Variants in DLG2 observed in about 807,000 individuals in gnomAD.
DLG2 encodes disks large homolog 2.
A neutral mutation model predicts 132.5 loss-of-function variants in DLG2; 45 were observed. That is an observed-to-expected ratio of 0.34 (90% CI 0.27 to 0.44). DLG2 has a LOEUF of 0.44. Ranked by LOEUF, DLG2 falls within the 20% of genes least tolerant of loss-of-function variation. The pLI is 1.00. For missense variants in DLG2, 1,045 were observed against 1,196.9 expected (o/e 0.87, Z 1.87); for synonymous variants, 424 against 419.6 (o/e 1.01, Z -0.13).
At chr11:83,822,235 A>T (rs2153983037) in intron 17 of DLG2, among the ~76,000 whole-genome samples, 1 of 152,234 alleles carries the variant, frequency 6.6e-6, no homozygotes, top group South Asian at 2.1e-4. Context: ...TATGTCTCTC[A>T]TCCTTTGTCT....
At chr11:83,799,263 C>A (rs1341902034) in intron 17 of DLG2, among the ~76,000 whole-genome samples, 5 of 152,154 alleles carry the variant, frequency 3.3e-5, no homozygotes, top group African/African-American at 1.2e-4. Flanking sequence ...CAGAAGTAGA[C>A]CTTGAATGCC....
intron 4 of DLG2, among the ~76,000 whole-genome samples, chr11:85,220,114 T>C (rs192145468): frequency 6.6e-6 from 1 of 152,222 alleles, no homozygotes; most frequent in East Asian, 1.9e-4. Flanking sequence ...TCTCTGCCCT[T>C]GTGAAGCTTA....
At chr11:83,901,904 T>C (rs1447420550) in intron 15 of DLG2, among the ~76,000 whole-genome samples, 1 of 152,286 alleles carries the variant, frequency 6.6e-6, no homozygotes, top group Non-Finnish European at 1.5e-5. Flanking sequence ...TTGTGTGACA[T>C]CAAACACAAT....
intron 6 of DLG2, among the ~76,000 whole-genome samples, chr11:85,092,240 CA>C (rs2068906285): frequency 6.6e-6 from 1 of 151,968 alleles, no homozygotes; most frequent in Non-Finnish European, 1.5e-5. Context: ...GAGCAGATTA[CA>C]AAAGTGGGCT....
At chr11:85,357,707 TATATATATATATATATATATATATA>T (rs2083827737) in intron 3 of DLG2, among the ~76,000 whole-genome samples, 7 of 2,868 alleles carry the variant, frequency 2.4e-3, no homozygotes, top group African/African-American at 0.018. Context: ...TTCTGAATTA[TATATATATATATATATATATATATA>T]TATATATATA....
chr11:85,292,624 C>CCAAGGAAG (rs1465564887), intron 3 of DLG2, among the ~76,000 whole-genome samples: 1 of 14,460 alleles, frequency 6.9e-5, no homozygotes, highest in Non-Finnish European at 1.5e-4. Flanking sequence ...AAAGCACAAC[C>CCAAGGAAG]GAAGGAAGGA....
intron 15 of DLG2, among the ~76,000 whole-genome samples, chr11:83,929,818 T>C (rs2079805814): frequency 6.6e-6 from 1 of 152,194 alleles, no homozygotes; most frequent in African/African-American, 2.4e-5. Flanking sequence ...ACTAATCCTG[T>C]AGTTTTGGAC....
intron 16 of DLG2, among the ~76,000 whole-genome samples, chr11:83,842,009 T>C (rs75344902): frequency 0.11 from 17,154 of 152,288 alleles, 1,335 homozygotes; most frequent in Non-Finnish European, 0.16. Flanking sequence ...AAAGGTATTA[T>C]TCTTTTACCA....
At chr11:85,516,005 C>T (rs2094161917) in intron 3 of DLG2, among the ~76,000 whole-genome samples, 1 of 151,892 alleles carries the variant, frequency 6.6e-6, no homozygotes, top group Non-Finnish European at 1.5e-5. Flanking sequence ...GAGTGAAATC[C>T]CAATAATTGC....
At chr11:84,007,310 G>A (rs1304835065) in intron 11 of DLG2, among the ~76,000 whole-genome samples, 2 of 151,644 alleles carry the variant, frequency 1.3e-5, no homozygotes, top group African/African-American at 4.8e-5. Flanking sequence ...AAACCACTGG[G>A]TAACAGATGC....
chr11:84,905,508 T>C (rs2091403196), intron 6 of DLG2, among the ~76,000 whole-genome samples: 1 of 152,164 alleles, frequency 6.6e-6, no homozygotes, highest in South Asian at 2.1e-4. Flanking sequence ...TAAAACCTTT[T>C]GTATTGTAAA....
intron 6 of DLG2, among the ~76,000 whole-genome samples, chr11:84,833,364 G>C (rs2079283784): frequency 6.6e-6 from 1 of 151,498 alleles, no homozygotes; most frequent in Admixed American, 6.6e-5. Context: ...CCTAGCACAA[G>C]AAAGGGAATA....
chr11:84,018,770 C>T (rs2095298138), intron 11 of DLG2, among the ~76,000 whole-genome samples: 1 of 150,986 alleles, frequency 6.6e-6, no homozygotes, highest in South Asian at 2.1e-4. Context: ...CTGAGTTCTT[C>T]AGCAGATAAA....
intron 7 of DLG2, among the ~76,000 whole-genome samples, chr11:84,453,071 CA>C (rs916346655): frequency 1.3e-4 from 19 of 147,852 alleles, no homozygotes; most frequent in Admixed American, 3.4e-4. Context: ...TATAAATTTT[CA>C]AAAAAAAATA....
chr11:83,520,639 G>GTAGGTAGATAGATAGA (rs1177747631), intron 21 of DLG2, among the ~76,000 whole-genome samples: 6 of 147,954 alleles, frequency 4.1e-5, no homozygotes, highest in African/African-American at 1.5e-4. Flanking sequence ...AGGTAGGTAG[G>GTAGGTAGATAGATAGA]TAGATAGATA....
At chr11:83,961,235 C>A (rs1372443991) in intron 14 of DLG2, among the ~76,000 whole-genome samples, 1 of 151,944 alleles carries the variant, frequency 6.6e-6, no homozygotes, top group Non-Finnish European at 1.5e-5. Context: ...CTGAAGCTTG[C>A]AGAGGTTAAA....
At chr11:84,502,471 C>T (rs370350976) in intron 7 of DLG2, among the ~76,000 whole-genome samples, 1 of 148,960 alleles carries the variant, frequency 6.7e-6, no homozygotes, top group East Asian at 2.0e-4. Flanking sequence ...TCTCGGCTCA[C>T]TGCAGCCTCC....
chr11:85,378,679 G>A (rs1186369169), intron 3 of DLG2, among the ~76,000 whole-genome samples: 1 of 151,988 alleles, frequency 6.6e-6, no homozygotes, highest in African/African-American at 2.4e-5. Context: ...CACCACTTAG[G>A]AAATAAAATA....
intron 6 of DLG2, among the ~76,000 whole-genome samples, chr11:84,650,863 GTGTGTGTGTGTATATATATATATA>G (rs1211684599): frequency 3.3e-5 from 3 of 92,246 alleles, no homozygotes; most frequent in African/African-American, 9.0e-5. Context: ...GTGTGTGTGT[GTGTGTGTGTGTATATATATATATA>G]TATATATATA....
Sources: gnomAD v4.1 joint callset for allele counts (sites outside exome capture counted in the v4.1 genomes callset) on GRCh38, gnomAD v4.1.1 for gene constraint, MANE v1.5 for transcripts, NCBI Gene and HGNC (gene_info 2026-07-23, HGNC 2026-07-21) for gene names.